The following PCDH15 variants were observed in gnomAD, a reference collection of about 807,000 sequenced individuals.
PCDH15 encodes protocadherin related 15.
PCDH15 carries 129 observed loss-of-function variants against 178.5 expected under a neutral mutation model. The observed-to-expected ratio is 0.72, with a 90% CI of 0.63 to 0.84. PCDH15 has a LOEUF of 0.84. Among genes scored for constraint, PCDH15 ranks in the 40% least tolerant of loss-of-function variants. The pLI is 0.00. For missense variants in PCDH15, 2,230 were observed against 2,099.9 expected (o/e 1.06, Z -1.21); for synonymous variants, 800 against 732.0 (o/e 1.09, Z -1.50).
At chr10:55,597,649 A>G (rs1194160225) in intron 2 of PCDH15, among the ~76,000 whole-genome samples, 1 of 152,170 alleles carries the variant, frequency 6.6e-6, no homozygotes, top group Non-Finnish European at 1.5e-5. Flanking sequence ...TAAATCAAAT[A>G]TAACTTCAAC....
At chr10:55,304,308 C>T (rs1227453122) in intron 1 of PCDH15, among the ~76,000 whole-genome samples, 6 of 152,052 alleles carry the variant, frequency 3.9e-5, no homozygotes, top group Non-Finnish European at 8.8e-5. Context: ...TTGGTGCTTT[C>T]AGGTTATCAC....
At chr10:54,528,551 A>C (rs1589912293) in intron 2 of PCDH15, 1 of 578,770 alleles carries the variant, frequency 1.7e-6, no homozygotes, top group East Asian at 2.9e-5. Context: ...TTGTGGAAAT[A>C]GAATATATAA....
intron 2 of PCDH15, among the ~76,000 whole-genome samples, chr10:55,403,638 A>G (rs1366012270): frequency 1.3e-5 from 2 of 151,576 alleles, no homozygotes; most frequent in African/African-American, 4.8e-5. Context: ...TTTCCGCAAT[A>G]TATGTTCTCA....
intron 6 of PCDH15, 98 bp downstream of exon 6, chr10:54,346,266 GT>G (rs1943265046): frequency 8.7e-7 from 1 of 1,149,826 alleles, no homozygotes; most frequent in African/African-American, 1.5e-5. Flanking sequence ...TACTAATCTG[GT>G]TCTGGAAGTT....
chr10:54,199,555 AAACAAC>A (rs200906404), intron 10 of PCDH15, among the ~76,000 whole-genome samples: 6 of 137,954 alleles, frequency 4.3e-5, no homozygotes, highest in African/African-American at 1.0e-4. Flanking sequence ...TGTTGAATTT[AAACAAC>A]AACAACAACA....
chr10:55,298,849 A>C (rs1434139419), intron 1 of PCDH15, among the ~76,000 whole-genome samples: 1 of 152,168 alleles, frequency 6.6e-6, no homozygotes, highest in African/African-American at 2.4e-5. Context: ...AAGAGCTGGG[A>C]TTACAGGCAT....
Position 55,040,115 on chromosome 10 carries a change from T to C in PCDH15, c.-80+126461A>G, listed in dbSNP as rs757723634. On this transcript the variant is annotated intron_variant, in intron 2 of 5. Coordinates refer to the PCDH15 transcript ENST00000458638. ...TAATAAGATCTCATGGCAATAATAATAGAAATAATGTTCTGAGACCCTTAC... is the reference window on the plus strand; with the variant it reads ...TAATAAGATCTCATGGCAATAATAACAGAAATAATGTTCTGAGACCCTTAC... Among the ~76,000 whole-genome samples, 12 of 152,182 alleles carry C rather than the reference T, an allele frequency of 7.9e-5. No individual in the cohort carries two copies. In the Middle Eastern group the frequency reaches 0.01, roughly 129 times the overall value.
In PCDH15 at chr10:53,803,798, A is replaced by T. The variant is rs1052395421; in HGVS notation, c.*2781T>A. ...GGGTTGCAATATTAGTCATTACATCATTCTGTTCTCACCTCGATTAGCCAA... is the reference window on the plus strand; with the variant it reads ...GGGTTGCAATATTAGTCATTACATCTTTCTGTTCTCACCTCGATTAGCCAA... On this transcript the variant is annotated 3_prime_UTR_variant, in exon 38 of 38. Transcript: ENST00000644397. The T allele has an allele frequency of 7.9e-5, 12 of 151,964 alleles. No homozygotes were observed. The highest frequency in any genetic ancestry group is 1.5e-5 in the Non-Finnish European group (1 of 67,888). The allele number at this position is 151,964 out of a possible 1,614,324, so 9.4% of individuals were successfully genotyped here.
Position 54,670,293 on chromosome 10 carries a change from A to C in PCDH15, c.-28-6003T>G, listed in dbSNP as rs1005313005. ...GTAAACATTAGATGAGACTAATTTA[A>C]CCCAAAATATATTTCCCGAAACCAC... On this transcript the variant is annotated intron_variant, in intron 1 of 37. Transcript: ENST00000644397. 2.6e-5 allele frequency among the ~76,000 whole-genome samples: 4 copies of C among 152,134 alleles called. No individual in the cohort carries two copies. In the South Asian group the frequency reaches 8.3e-4, roughly 31 times the overall value.
At chr10:54,864,423 A>G (rs1477290881) in intron 3 of PCDH15, among the ~76,000 whole-genome samples, 1 of 152,192 alleles carries the variant, frequency 6.6e-6, no homozygotes, top group Admixed American at 6.6e-5. Flanking sequence ...TTTATTTTCA[A>G]TAAAGCAAAA....
chr10:55,344,477 AC>A (rs1344803446), intron 2 of PCDH15, among the ~76,000 whole-genome samples: 3 of 152,086 alleles, frequency 2.0e-5, no homozygotes, highest in Non-Finnish European at 4.4e-5. Context: ...AAGGGGTCAA[AC>A]ACACTTTGAA....
intron 1 of PCDH15, among the ~76,000 whole-genome samples, chr10:55,193,136 T>C (rs1375795272): frequency 6.6e-6 from 1 of 151,890 alleles, no homozygotes; most frequent in Non-Finnish European, 1.5e-5. Flanking sequence ...CACTGTAGTG[T>C]GTAATTTTGA....
intron 2 of PCDH15, among the ~76,000 whole-genome samples, chr10:55,129,074 T>G (rs2132075502): frequency 6.6e-6 from 1 of 152,246 alleles, no homozygotes; most frequent in African/African-American, 2.4e-5. Flanking sequence ...ATAGTTCCTT[T>G]ATAGGATAGG....
intron 36 of PCDH15, among the ~76,000 whole-genome samples, 196 bp from the exon 37 acceptor site, chr10:53,810,860 A>G (rs936675490): frequency 6.6e-6 from 1 of 152,134 alleles, no homozygotes; most frequent in Non-Finnish European, 1.5e-5. Context: ...TTTTTGCCAT[A>G]ATGGTACCCT....
At chr10:54,269,095 AG>A (rs1234963369) in intron 8 of PCDH15, among the ~76,000 whole-genome samples, 1 of 151,970 alleles carries the variant, frequency 6.6e-6, no homozygotes, top group Non-Finnish European at 1.5e-5. Flanking sequence ...ATCATGAAAA[AG>A]TGAGCAACTG....
intron 21 of PCDH15, among the ~76,000 whole-genome samples, chr10:53,992,650 T>C (rs1159196483): frequency 1.3e-5 from 2 of 152,188 alleles, no homozygotes; most frequent in African/African-American, 4.8e-5. Flanking sequence ...AAATAAACAT[T>C]ACACCTGTAG....
At chr10:54,782,811 C>A (rs1826250879) in intron 1 of PCDH15, among the ~76,000 whole-genome samples, 1 of 152,008 alleles carries the variant, frequency 6.6e-6, no homozygotes, top group African/African-American at 2.4e-5. Context: ...CAAGGCCTCA[C>A]CACAGTCTCT....
intron 1 of PCDH15, among the ~76,000 whole-genome samples, chr10:55,222,730 C>CACACACACACACACATATATATAT: frequency 8.2e-6 from 1 of 121,260 alleles, no homozygotes; most frequent in Non-Finnish European, 1.7e-5. Flanking sequence ...CACACACACA[C>CACACACACACACACATATATATAT]ATATATATAT....
At chr10:53,868,162 T>C (rs1471513610) in intron 26 of PCDH15, among the ~76,000 whole-genome samples, 1 of 152,070 alleles carries the variant, frequency 6.6e-6, no homozygotes, top group Admixed American at 6.5e-5. Context: ...TAAAAGACTA[T>C]ATATACCTTA....
Sources: gnomAD v4.1 joint callset for allele counts (sites outside exome capture counted in the v4.1 genomes callset) on GRCh38, gnomAD v4.1.1 for gene constraint, MANE v1.5 for transcripts, NCBI Gene and HGNC (gene_info 2026-07-23, HGNC 2026-07-21) for gene names.